Variants in GGT5 observed in about 807,000 individuals in gnomAD.
The protein encoded by GGT5 is glutathione hydrolase 5 proenzyme.
GGT5 carries 50 observed loss-of-function variants against 58.1 expected under a neutral mutation model. That is an observed-to-expected ratio of 0.86 (90% CI 0.69 to 1.09). GGT5 has a LOEUF of 1.09. Ranked by LOEUF, GGT5 falls within the 50% of genes least tolerant of loss-of-function variation. The pLI, the probability that GGT5 is intolerant of heterozygous loss-of-function variation, is 0.00. For missense variants in GGT5, 800 were observed against 789.4 expected (o/e 1.01, Z -0.16); for synonymous variants, 370 against 346.1 (o/e 1.07, Z -0.77).
At chr22:24,222,776 C>G (rs2047628642) in intron 11 of GGT5, among the ~76,000 whole-genome samples, 1 of 152,338 alleles carries the variant, frequency 6.6e-6, no homozygotes, top group South Asian at 2.1e-4. Context: ...AAAGGTCCTT[C>G]AGTCAAGAGT....
intron 5 of GGT5, 32 bp from the exon 6 acceptor site, chr22:24,231,562 G>A (rs781360660): frequency 6.3e-7 from 1 of 1,577,180 alleles, no homozygotes; most frequent in South Asian, 1.2e-5. Flanking sequence ...TCCATGAACA[G>A]ATGGGAAACT....
chr22:24,224,991 C>T lies in GGT5; in HGVS notation c.1614+5G>A. On this transcript the variant is annotated splice_donor_5th_base_variant and intron_variant, in intron 11 of 11. Coordinates refer to ENST00000327365, the MANE Select transcript of GGT5 (RefSeq NM_004121.5). ...CTAGGCATCCAGCTCGGACCTCAGC[C>T]TCACCTGGCTGAAGTTGGGCTCGTA... The T allele has an allele frequency of 6.4e-7, 1 of 1,572,306 alleles. No individual in the cohort carries two copies.
chr22:24,234,555 C>A (rs758539167), intron 1 of GGT5, among the ~76,000 whole-genome samples: 24 of 152,194 alleles, frequency 1.6e-4, no homozygotes, highest in Non-Finnish European at 2.1e-4. Context: ...TGTGGTGGCT[C>A]ATGCCTATAA....
intron 11 of GGT5, among the ~76,000 whole-genome samples, chr22:24,221,544 G>T (rs1000229856): frequency 6.6e-6 from 1 of 152,232 alleles, no homozygotes; most frequent in East Asian, 1.9e-4. Context: ...ATGGAGTCCC[G>T]CTCTGTCACC....
intron 1 of GGT5, among the ~76,000 whole-genome samples, chr22:24,237,278 T>C (rs945393022): frequency 1.7e-4 from 26 of 152,230 alleles, no homozygotes; most frequent in African/African-American, 6.0e-4. Context: ...GCAGGTTTCT[T>C]ACTCTAGGAG....
chr22:24,244,305 A>T (rs184130917), intron 1 of GGT5: 100 of 479,104 alleles, frequency 2.1e-4, no homozygotes, highest in African/African-American at 2.0e-3. Flanking sequence ...GCACACACAC[A>T]CACACACACA....
At chr22:24,227,206 TC>T (rs558102371) in intron 6 of GGT5, among the ~76,000 whole-genome samples, 137 of 148,594 alleles carry the variant, frequency 9.2e-4, no homozygotes, top group African/African-American at 3.4e-3. Flanking sequence ...TGCCTTGGCC[TC>T]CCAAAGTGCT....
rs1365285847 is a variant in GGT5, at chr22:24,231,459, C to A, written c.826G>T (p.Gly276Trp). The change falls in exon 6 of 12, where the codon GGG (glycine) becomes TGG (tryptophan). Residue 276 changes from glycine to tryptophan, a missense_variant. Physicochemically the swap from Gly to Trp is radical, Grantham distance 184. Transcript: ENST00000327365. ...EVVDALEVPLGDYTLYSPPPP... is the reference protein window; with the variant it reads ...EVVDALEVPLWDYTLYSPPPP... ...GGTGGTGAGTACAGGGTATAGTCCC[C>A]CAGGGGCACCTCCAGGGCATCCACC... 6.4e-7 allele frequency: 1 copy of A among 1,572,476 alleles called. No individual in the cohort carries two copies. The highest frequency in any genetic ancestry group is 2.4e-5 in the East Asian group (1 of 42,312).
At chr22:24,238,825 ATATATATTT>A (rs2048203781) in intron 1 of GGT5, among the ~76,000 whole-genome samples, 3 of 14,732 alleles carry the variant, frequency 2.0e-4, no homozygotes, top group African/African-American at 1.4e-3. Flanking sequence ...ATATATATAT[ATATATATTT>A]ATATATATAT....
At chr22:24,238,831 ATTTATATATATATATTATATATAT>A (rs2048207317) in intron 1 of GGT5, among the ~76,000 whole-genome samples, 1 of 9,066 alleles carries the variant, frequency 1.1e-4, no homozygotes, top group African/African-American at 7.4e-4. Context: ...ATATATATAT[ATTTATATATATATATTATATATAT>A]TATATATATA....
chr22:24,222,841 G>A (rs1182257067), intron 11 of GGT5, among the ~76,000 whole-genome samples: 1 of 152,182 alleles, frequency 6.6e-6, no homozygotes, highest in Non-Finnish European at 1.5e-5. Flanking sequence ...ACTTTGGGAG[G>A]CCAAGGCGGG....
chr22:24,232,831 T>C lies in GGT5; in HGVS notation c.588A>G (p.Ser196=). The change falls in exon 4 of 12, where the codon TCA becomes TCG. Residue 196 remains serine (S), a synonymous_variant. Transcript: ENST00000327365. ...CACCATGTGGGGCTCACCGCAGGGTTGACGCCTGCAAGGAAGGCCGCAGGA... is the reference window on the plus strand; with the variant it reads ...CACCATGTGGGGCTCACCGCAGGGTCGACGCCTGCAAGGAAGGCCGCAGGA... The part of the protein sequence containing the change: ...NSILRPSLQA[S]TLRQLFFNGT... 1 of 1,531,126 alleles carries C rather than the reference T, an allele frequency of 6.5e-7. No homozygotes were observed. Among genetic ancestry groups the C allele is most frequent in the Non-Finnish European group, 8.8e-7 (1 of 1,133,988 alleles). 94.8% of individuals were successfully genotyped at this position (1,531,126 alleles called of 1,614,324 possible).
chr22:24,244,384 A>T, intron 1 of GGT5, 169 bp downstream of exon 1: 1 of 643,758 alleles, frequency 1.6e-6, no homozygotes, highest in South Asian at 1.8e-5. Context: ...CCCCACACTC[A>T]CACTCACATA....
intron 6 of GGT5, among the ~76,000 whole-genome samples, chr22:24,228,294 G>C (rs769832272): frequency 2.2e-4 from 33 of 151,878 alleles, no homozygotes; most frequent in Non-Finnish European, 3.8e-4. Context: ...GCAAGACCCT[G>C]CCTCAAAAAC....
At chr22:24,236,434 C>T (rs1025665099) in intron 1 of GGT5, among the ~76,000 whole-genome samples, 1 of 152,114 alleles carries the variant, frequency 6.6e-6, no homozygotes, top group African/African-American at 2.4e-5. Flanking sequence ...CTACCCAGGC[C>T]CCAGCGTTGG....
intron 6 of GGT5, among the ~76,000 whole-genome samples, chr22:24,227,334 C>T (rs913269482): frequency 2.0e-5 from 3 of 152,148 alleles, no homozygotes; most frequent in African/African-American, 7.2e-5. Context: ...GCAATCTCCA[C>T]CTCCTGGGTT....
intron 1 of GGT5, chr22:24,244,347 TCA>T: frequency 3.7e-6 from 2 of 539,090 alleles, no homozygotes; most frequent in Non-Finnish European, 6.6e-6. Context: ...CCACACACAA[TCA>T]CACACATTCA....
intron 1 of GGT5, among the ~76,000 whole-genome samples, chr22:24,235,050 C>CA (rs2048056850): frequency 1.3e-5 from 1 of 75,662 alleles, no homozygotes; most frequent in Non-Finnish European, 2.5e-5. Context: ...AAGAAGCCAG[C>CA]TTTTTTTTTT....
rs369780397 is a variant in GGT5 at position 24,244,584 on chromosome 22, C to T, written c.142G>A (p.Ala48Thr). Reference sequence around the variant, plus strand: ...ATATCCGAGCAGACCTTGGAGTCGGCGGCAACAGCAGCGTGGGCAAAGGCC... The same window carrying T: ...ATATCCGAGCAGACCTTGGAGTCGGTGGCAACAGCAGCGTGGGCAAAGGCC... ...PQAFAHAAVA[A>T]DSKVCSDIGR... Residue 48 changes from alanine to threonine, a missense_variant, in exon 1 of 12, where the codon GCC (alanine) becomes ACC (threonine). Coordinates refer to ENST00000327365, the MANE Select transcript of GGT5 (RefSeq NM_004121.5). 1.2e-5 allele frequency: 20 copies of T among 1,612,238 alleles called. No individual in the cohort carries two copies. The highest frequency in any genetic ancestry group is 5.3e-5 in the African/African-American group (4 of 74,888).
Sources: gnomAD v4.1 joint callset for allele counts (sites outside exome capture counted in the v4.1 genomes callset) on GRCh38, gnomAD v4.1.1 for gene constraint, MANE v1.5 for transcripts, NCBI Gene and HGNC (gene_info 2026-07-23, HGNC 2026-07-21) for gene names.